Variants in CCDC171 observed in about 807,000 individuals in gnomAD.
CCDC171 encodes the protein coiled-coil domain containing 171.
Under a neutral mutation model 168.2 loss-of-function variants are expected in CCDC171, and 177 were observed. That is an observed-to-expected ratio of 1.05 (90% confidence interval 0.93 to 1.19). The LOEUF (loss-of-function observed/expected upper bound fraction) is 1.19. Ranked by LOEUF, CCDC171 falls within the 50% of genes most tolerant of loss-of-function variation. The pLI is 0.00. For synonymous variants in CCDC171, 687 were observed against 540.8 expected (o/e 1.27, Z -3.75); for missense variants, 1,991 against 1,539.0 (o/e 1.29, Z -4.91).
intron 11 of CCDC171, 36 bp from the exon 12 acceptor site, chr9:15,721,733 T>A (rs757896753): frequency 8.0e-7 from 1 of 1,257,788 alleles, no homozygotes; most frequent in Non-Finnish European, 1.1e-6. Flanking sequence ...CCTTTGTGAC[T>A]TTAAGGGTAT....
intron 18 of CCDC171, among the ~76,000 whole-genome samples, chr9:15,772,319 T>G (rs989875711): frequency 1.3e-5 from 2 of 152,234 alleles, no homozygotes; most frequent in Non-Finnish European, 2.9e-5. Flanking sequence ...TGTATATCTG[T>G]GTGTTTTACA....
intron 4 of CCDC171, among the ~76,000 whole-genome samples, chr9:15,580,436 G>C (rs1190847826): frequency 6.6e-6 from 1 of 152,114 alleles, no homozygotes; most frequent in Non-Finnish European, 1.5e-5. Flanking sequence ...ATAGTCAGCA[G>C]AGTAAACAGA....
intron 3 of CCDC171, among the ~76,000 whole-genome samples, chr9:15,994,457 G>T (rs1832306391): frequency 6.6e-6 from 1 of 152,184 alleles, no homozygotes; most frequent in Non-Finnish European, 1.5e-5. Context: ...AGCAGGGAGG[G>T]ATAGCATTTG....
intron 18 of CCDC171, among the ~76,000 whole-genome samples, chr9:15,770,022 A>T (rs2056930614): frequency 6.6e-6 from 1 of 152,186 alleles, no homozygotes; most frequent in South Asian, 2.1e-4. Context: ...GGACAAAAAA[A>T]CTTACCACAC....
chr9:15,591,437 A>G lies in CCDC171; in HGVS notation c.424A>G (p.Lys142Glu), dbSNP rs2042001447. The G allele has an allele frequency of 2.5e-6, 4 of 1,608,934 alleles. No homozygotes were observed. The highest frequency in any genetic ancestry group is 1.3e-5 in the African/African-American group (1 of 74,764). Residue 142 changes from lysine (K) to glutamate (E), a missense_variant, in exon 5 of 26, where the codon AAA (lysine) becomes GAA (glutamate). Coordinates refer to ENST00000380701, the MANE Select transcript of CCDC171 (RefSeq NM_173550.4). The stretch of plus-strand genomic sequence containing the variant: ...ATTTCAGACTTCTCAGCAAAAATGG[A>G]AAGAAGAATGCAGAAGATTTGAACA... The part of the protein sequence containing the change: ...KAFQTSQQKW[K>E]EECRRFEHDL...
rs190606631 is a variant in CCDC171, at chr9:15,922,450, G to A, written c.3753+2028G>A. ...AGGCAATATTGTTTGGTGGGTAAGA[G>A]CATGGGCTTTGGAGGTATATCCATT... On this transcript the variant is annotated intron_variant, in intron 25 of 25. Transcript: ENST00000380701. 1.0e-3 allele frequency among the ~76,000 whole-genome samples: 155 copies of A among 151,742 alleles called. 1 individual carries two copies. The highest frequency in any genetic ancestry group is 3.6e-3 in the African/African-American group (148 of 41,490).
intron 7 of CCDC171, among the ~76,000 whole-genome samples, chr9:15,626,001 T>A (rs143113549): frequency 5.8e-4 from 88 of 152,318 alleles, no homozygotes; most frequent in African/African-American, 1.9e-3. Context: ...CATTGAGCAG[T>A]GGTTTGTAGT....
the CCDC171 span, among the ~76,000 whole-genome samples, chr9:16,079,626 G>A: frequency 6.6e-6 from 1 of 152,232 alleles, no homozygotes; most frequent in Non-Finnish European, 1.5e-5. Context: ...TTCTTTCTGG[G>A]TAAGGAACCA....
At chr9:16,066,593 C>T (rs1247978074), downstream of CCDC171, among the ~76,000 whole-genome samples, 4 of 144,734 alleles carry the variant, frequency 2.8e-5, no homozygotes, top group East Asian at 4.2e-4. Flanking sequence ...GTATATCTCC[C>T]GATGCTATCC....
At chr9:16,041,510 A>G (rs1222727354), upstream of CCDC171, among the ~76,000 whole-genome samples, 1 of 152,180 alleles carries the variant, frequency 6.6e-6, no homozygotes, top group Admixed American at 6.5e-5. Context: ...GAGGGCAATG[A>G]AGATTTTTTA....
intron 23 of CCDC171, among the ~76,000 whole-genome samples, chr9:15,862,389 C>T (rs758933865): frequency 1.3e-5 from 2 of 151,432 alleles, no homozygotes; most frequent in East Asian, 3.9e-4. Flanking sequence ...TATTCTTCTG[C>T]CCTAATATTT....
chr9:15,971,201 A>G (rs952552522), intron 25 of CCDC171, among the ~76,000 whole-genome samples: 1 of 152,178 alleles, frequency 6.6e-6, no homozygotes, highest in Non-Finnish European at 1.5e-5. Context: ...TTTATTTTCT[A>G]AGTAATCTAA....
chr9:15,824,991 T>G (rs574316670), intron 21 of CCDC171, among the ~76,000 whole-genome samples: 46 of 152,216 alleles, frequency 3.0e-4, no homozygotes, highest in South Asian at 1.0e-3. Context: ...GAAGTAATAT[T>G]ATTGAAGAGA....
rs144693148 is a variant in CCDC171 at position 15,815,036 on chromosome 9, G to A, written c.3267+30342G>A. ...TGGTCAACTGAGACTGGCTTAGGGG[G>A]AAAAAATAAAGATTTATTCACAGTA... On this transcript the variant is annotated intron_variant, in intron 21 of 25. Transcript: ENST00000380701. 1.5e-4 allele frequency among the ~76,000 whole-genome samples: 23 copies of A among 152,230 alleles called. 1 individual carries two copies. Among genetic ancestry groups the A allele is most frequent in the African/African-American group, 4.8e-4 (20 of 41,540 alleles).
At chr9:15,599,478 C>G (rs983778229) in intron 6 of CCDC171, among the ~76,000 whole-genome samples, 1 of 152,244 alleles carries the variant, frequency 6.6e-6, no homozygotes, top group Admixed American at 6.5e-5. Flanking sequence ...ATATTGGCCC[C>G]CACTCTCTCC....
chr9:15,694,880 A>G (rs559750052), intron 10 of CCDC171, among the ~76,000 whole-genome samples: 1 of 152,342 alleles, frequency 6.6e-6, no homozygotes, highest in South Asian at 2.1e-4. Flanking sequence ...ATATGACTGT[A>G]GTCATGATTT....
At chr9:15,697,001 C>G (rs900714387) in intron 11 of CCDC171, among the ~76,000 whole-genome samples, 2 of 152,158 alleles carry the variant, frequency 1.3e-5, no homozygotes, top group African/African-American at 4.8e-5. Context: ...CACCCTTCTC[C>G]CCTTGCTGAT....
At chr9:15,560,851 C>G (rs927644575) in intron 1 of CCDC171, among the ~76,000 whole-genome samples, 4 of 49,068 alleles carry the variant, frequency 8.2e-5, no homozygotes, top group Non-Finnish European at 1.9e-4. Flanking sequence ...TCTGGTTTCT[C>G]CCATCTTTGT....
rs114072180 is a variant in CCDC171 at position 15,765,009 on chromosome 9, C to G, written c.2672-12591C>G. Among the ~76,000 whole-genome samples, 571 of 152,152 alleles carry G rather than the reference C, an allele frequency of 3.8e-3. 3 individuals are homozygous for G. The highest frequency in any genetic ancestry group is 0.013 in the African/African-American group (539 of 41,502). On this transcript the variant is annotated intron_variant, in intron 18 of 25. Coordinates refer to ENST00000380701, the MANE Select transcript of CCDC171 (RefSeq NM_173550.4). ...ATAGCCATTGAGCTAGTTGGTGAAC[C>G]CTGATGGTAACCTTTAAGCCAAATA...
Sources: gnomAD v4.1 joint callset for allele counts (sites outside exome capture counted in the v4.1 genomes callset) on GRCh38, gnomAD v4.1.1 for gene constraint, MANE v1.5 for transcripts, NCBI Gene and HGNC (gene_info 2026-07-23, HGNC 2026-07-21) for gene names.